PDCD6: variants seen among roughly 807,000 people sequenced by gnomAD.
PDCD6 encodes programmed cell death 6, also known as programmed cell death protein 6.
In PDCD6, 12 loss-of-function variants were observed where a neutral mutation model predicts 28.3. The observed-to-expected ratio is 0.42, with a 90% confidence interval of 0.27 to 0.69. The LOEUF is 0.69. Among genes scored for constraint, PDCD6 ranks in the 30% least tolerant of loss-of-function variants. PDCD6 has a pLI of 0.22. For missense variants in PDCD6, 226 were observed against 269.9 expected (o/e 0.84, Z 1.14); for synonymous variants, 92 against 108.0 (o/e 0.85, Z 0.92).
intron 2 of PDCD6, among the ~76,000 whole-genome samples, chr5:299,977 A>G (rs1190103669): frequency 3.9e-5 from 6 of 152,136 alleles, no homozygotes; most frequent in African/African-American, 1.2e-4. Flanking sequence ...GTCCAGTCCC[A>G]TCACTGTCCT....
intron 2 of PDCD6, among the ~76,000 whole-genome samples, chr5:286,794 A>T (rs1487176289): frequency 6.6e-6 from 1 of 152,160 alleles, no homozygotes; most frequent in Non-Finnish European, 1.5e-5. Context: ...GCAGCTGCAG[A>T]TCCAGGGATG....
intron 2 of PDCD6, chr5:276,923 A>G: frequency 4.1e-6 from 4 of 985,336 alleles, no homozygotes; most frequent in Non-Finnish European, 4.8e-6. Flanking sequence ...TCTTTTTGCA[A>G]TAAAATGTTC....
chr5:274,814 C>T (rs1363510997), intron 2 of PDCD6, among the ~76,000 whole-genome samples: 2 of 152,050 alleles, frequency 1.3e-5, no homozygotes, highest in Non-Finnish European at 2.9e-5. Context: ...TTCAGCTGGT[C>T]CTCAAAGTGT....
At chr5:291,078 C>A (rs1356177457) in intron 2 of PDCD6, among the ~76,000 whole-genome samples, 1 of 152,140 alleles carries the variant, frequency 6.6e-6, no homozygotes, top group African/African-American at 2.4e-5. Flanking sequence ...CCCTGGAGGC[C>A]CTGCCTGAGT....
At position 271,860 on chromosome 5, in the gene PDCD6, C is replaced by T. The variant is rs375010719; in HGVS notation, c.101+39C>T. On this transcript the variant is annotated intron_variant, in intron 1 of 5. Transcript: ENST00000264933. ...CCGCCCGGGCACCTCCCGCCTCCGC[C>T]GCGGCGGCCCCGACCCCTGTCCCGA... 1.5e-5 allele frequency: 18 copies of T among 1,195,078 alleles called. No individual in the cohort carries two copies. In the African/African-American group the frequency reaches 2.2e-4, roughly 15 times the overall value. The allele number at this position is 1,195,078 out of a possible 1,614,324, so 74.0% of individuals were successfully genotyped here. A position where few individuals can be genotyped will look rare whatever the true frequency, so the allele number is the denominator to read the frequency against.
intron 2 of PDCD6, among the ~76,000 whole-genome samples, chr5:283,506 G>C (rs1241038975): frequency 1.3e-5 from 2 of 152,114 alleles, no homozygotes; most frequent in African/African-American, 4.8e-5. Context: ...CAGACCCGTA[G>C]AGGAGCTGAT....
intron 2 of PDCD6, among the ~76,000 whole-genome samples, chr5:278,942 C>T (rs1027877018): frequency 2.0e-5 from 3 of 151,846 alleles, no homozygotes; most frequent in Non-Finnish European, 4.4e-5. Context: ...CTGCCCCTCT[C>T]CTGTCTCACG....
chr5:290,316 G>A (rs1471252906), intron 2 of PDCD6: 6 of 1,295,328 alleles, frequency 4.6e-6, no homozygotes, highest in Non-Finnish European at 6.7e-6. Flanking sequence ...GACTCTCAAC[G>A]TCCATGGCTT....
At position 271,875 on chromosome 5, in the gene PDCD6, C is replaced by G. The variant is rs1242312964; in HGVS notation, c.101+54C>G. ...CCGCCTCCGCCGCGGCGGCCCCGAC[C>G]CCTGTCCCGACTCCCCCGACCAACC... On this transcript the variant is annotated intron_variant, in intron 1 of 5. Coordinates refer to ENST00000264933, the MANE Select transcript of PDCD6 (RefSeq NM_013232.4). 4 of 1,050,874 alleles carry G rather than the reference C, an allele frequency of 3.8e-6. No homozygotes were observed. The African/African-American group carries it at 5.0e-5, about 13-fold the overall frequency. The allele number at this position is 1,050,874 out of a possible 1,614,324, so 65.1% of individuals were successfully genotyped here.
At chr5:289,487 G>A in intron 2 of PDCD6, 2 of 718,548 alleles carry the variant, frequency 2.8e-6, no homozygotes, top group East Asian at 2.4e-5. Context: ...TGAGATGAAG[G>A]TGATGCTTCT....
At chr5:274,324 C>G (rs1738042269) in intron 2 of PDCD6, among the ~76,000 whole-genome samples, 1 of 152,198 alleles carries the variant, frequency 6.6e-6, no homozygotes, top group Admixed American at 6.5e-5. Context: ...TTTAGGTTTT[C>G]TGTTAAACTT....
At chr5:298,579 C>G (rs1739765126) in intron 2 of PDCD6, among the ~76,000 whole-genome samples, 3 of 150,880 alleles carry the variant, frequency 2.0e-5, no homozygotes. Context: ...GCTCTCAGGC[C>G]CTCAAGGGCT....
intron 2 of PDCD6, among the ~76,000 whole-genome samples, chr5:300,644 A>G (rs13356044): frequency 0.22 from 33,573 of 151,648 alleles, 4,002 homozygotes; most frequent in African/African-American, 0.46. Context: ...GAGGCGTGAA[A>G]TGCCTGTGCG....
rs1741160630 is a variant in PDCD6, at chr5:314,760, A to G, written c.*245A>G. Reference sequence around the variant, plus strand: ...TCTCATTGTGCCATGAGGTAAATGTAATGTTTCAGGCATTCTGCTTGCAAA... The same window carrying G: ...TCTCATTGTGCCATGAGGTAAATGTGATGTTTCAGGCATTCTGCTTGCAAA... On this transcript the variant is annotated 3_prime_UTR_variant, in exon 6 of 6. Coordinates refer to ENST00000264933, the MANE Select transcript of PDCD6 (RefSeq NM_013232.4). 1.7e-6 allele frequency: 1 copy of G among 589,840 alleles called. No individual in the cohort carries two copies. Among genetic ancestry groups the G allele is most frequent in the Admixed American group, 2.4e-5 (1 of 42,288 alleles). The allele number at this position is 589,840 out of a possible 1,614,324, so 36.5% of individuals were successfully genotyped here.
rs566336447 is a variant in PDCD6, at chr5:302,865, C to T, written c.164-1312C>T. Among the ~76,000 whole-genome samples the T allele has an allele frequency of 6.5e-4, 94 of 144,330 alleles. 3 individuals carry two copies. The highest frequency in any genetic ancestry group is 5.8e-3 in the South Asian group (26 of 4,506). The allele number at this position is 144,330 out of a possible 152,430, so 94.7% of individuals were successfully genotyped here. On this transcript the variant is annotated intron_variant, in intron 2 of 5. Transcript: ENST00000264933. ...GCTTCCCTGCATAACTGCTGGAGGG[C>T]GGATCATTGAGTGCTGCTCTGTGTG...
intron 2 of PDCD6, among the ~76,000 whole-genome samples, chr5:278,741 GAAAA>G (rs1738364824): frequency 7.2e-6 from 1 of 138,122 alleles, no homozygotes; most frequent in Non-Finnish European, 1.6e-5. Flanking sequence ...GAAAGAAAAT[GAAAA>G]AAAGAAAGAG....
intron 4 of PDCD6, chr5:308,975 G>C (rs1740716002): frequency 6.4e-6 from 1 of 155,102 alleles, no homozygotes; most frequent in African/African-American, 2.4e-5. Flanking sequence ...CGTTTAGGTT[G>C]CTGTAAACAG....
chr5:279,786 A>C (rs1436168371), intron 2 of PDCD6, among the ~76,000 whole-genome samples: 2 of 34,822 alleles, frequency 5.7e-5, no homozygotes, highest in Non-Finnish European at 1.9e-4. Flanking sequence ...GTAATGGCAA[A>C]AAAAAAAAAA....
At chr5:274,969 C>T (rs112695961) in intron 2 of PDCD6, among the ~76,000 whole-genome samples, 2,762 of 152,292 alleles carry the variant, frequency 0.018, 74 homozygotes, top group African/African-American at 0.061. Flanking sequence ...AAATCAGTGG[C>T]TTAACCCAAG....
Sources: allele counts gnomAD v4.1 joint callset (sites outside exome capture counted in the v4.1 genomes callset), GRCh38; gene constraint gnomAD v4.1.1; transcripts MANE v1.5; gene names NCBI Gene and HGNC (gene_info 2026-07-23, HGNC 2026-07-21).